Variants in MARCHF1 observed in about 807,000 individuals in gnomAD.
MARCHF1 encodes the protein E3 ubiquitin-protein ligase MARCHF1.
Under a neutral mutation model 54.2 loss-of-function variants are expected in MARCHF1, and 40 were observed. The ratio of observed to expected loss-of-function variants is 0.74; its 90% CI spans 0.57 to 0.96. MARCHF1 has a LOEUF of 0.96. Among genes scored for constraint, MARCHF1 ranks in the 40% least tolerant of loss-of-function variants. The pLI is 0.00. For missense variants in MARCHF1, 586 were observed against 656.5 expected (o/e 0.89, Z 1.17); for synonymous variants, 236 against 236.3 (o/e 1.00, Z 0.01).
chr4:164,362,420 G>A (rs956308868), intron 1 of MARCHF1, among the ~76,000 whole-genome samples: 8 of 152,028 alleles, frequency 5.3e-5, no homozygotes, highest in Admixed American at 3.9e-4. Context: ...ATGAGTCCAG[G>A]GGGTACATGA....
intron 5 of MARCHF1, among the ~76,000 whole-genome samples, chr4:163,667,769 G>A (rs572272107): frequency 6.6e-6 from 1 of 152,106 alleles, no homozygotes; most frequent in Non-Finnish European, 1.5e-5. Flanking sequence ...GGAATTACAG[G>A]TGTGTGCCAC....
intron 1 of MARCHF1, among the ~76,000 whole-genome samples, chr4:164,228,167 C>A (rs1306275206): frequency 6.6e-6 from 1 of 152,146 alleles, no homozygotes; most frequent in African/African-American, 2.4e-5. Flanking sequence ...GGGGGAAGCA[C>A]CCCCTCAGTT....
At chr4:163,896,461 G>A (rs1442616656) in intron 3 of MARCHF1, among the ~76,000 whole-genome samples, 1 of 151,962 alleles carries the variant, frequency 6.6e-6, no homozygotes, top group Admixed American at 6.6e-5. Context: ...TTGTTTTTAG[G>A]GATTTCTCAG....
At chr4:163,727,499 G>T (rs1181305005) in intron 4 of MARCHF1, among the ~76,000 whole-genome samples, 1 of 151,882 alleles carries the variant, frequency 6.6e-6, no homozygotes, top group East Asian at 1.9e-4. Context: ...TGGAGATGGG[G>T]TTTCACTGTG....
At chr4:163,709,129 T>C (rs946955105) in intron 4 of MARCHF1, among the ~76,000 whole-genome samples, 5 of 152,190 alleles carry the variant, frequency 3.3e-5, no homozygotes, top group Non-Finnish European at 7.4e-5. Flanking sequence ...TATGTTTGAC[T>C]GAGCAGAAAT....
At chr4:164,097,044 T>C (rs1247923273) in intron 2 of MARCHF1, among the ~76,000 whole-genome samples, 1 of 152,142 alleles carries the variant, frequency 6.6e-6, no homozygotes, top group East Asian at 1.9e-4. Context: ...AGAAAAGCTG[T>C]TCACTATAAT....
At chr4:164,121,821 G>A (rs552042354) in intron 1 of MARCHF1, among the ~76,000 whole-genome samples, 5 of 152,132 alleles carry the variant, frequency 3.3e-5, no homozygotes, top group East Asian at 1.9e-4. Flanking sequence ...GAGAAGGAGA[G>A]ATTACTTCCA....
chr4:163,572,567 A>G (rs1739877555), intron 8 of MARCHF1, among the ~76,000 whole-genome samples: 1 of 152,070 alleles, frequency 6.6e-6, no homozygotes, highest in Non-Finnish European at 1.5e-5. Flanking sequence ...TATGCTCCTT[A>G]TATTTTAGTT....
chr4:164,057,315 A>G (rs1754514949), intron 2 of MARCHF1, among the ~76,000 whole-genome samples: 1 of 152,158 alleles, frequency 6.6e-6, no homozygotes, highest in Non-Finnish European at 1.5e-5. Context: ...GAAATACACA[A>G]CTAAGTTTTT....
chr4:163,991,788 C>G (rs1436073708), intron 2 of MARCHF1, among the ~76,000 whole-genome samples: 1 of 152,104 alleles, frequency 6.6e-6, no homozygotes, highest in Non-Finnish European at 1.5e-5. Context: ...ACTACTTTTT[C>G]CATATACATG....
chr4:163,786,660 A>G (rs561932531), intron 4 of MARCHF1, among the ~76,000 whole-genome samples: 83 of 151,938 alleles, frequency 5.5e-4, no homozygotes, highest in Non-Finnish European at 1.0e-3. Flanking sequence ...ATGCCATAGT[A>G]CCCCTAGCAA....
At chr4:164,147,786 A>T (rs1729800382) in intron 1 of MARCHF1, among the ~76,000 whole-genome samples, 1 of 150,302 alleles carries the variant, frequency 6.7e-6, no homozygotes, top group Non-Finnish European at 1.5e-5. Context: ...ACTAACCTGC[A>T]CATTGTGCAC....
At chr4:163,764,505 C>T (rs1488031494) in intron 4 of MARCHF1, among the ~76,000 whole-genome samples, 3 of 152,082 alleles carry the variant, frequency 2.0e-5, no homozygotes, top group African/African-American at 7.2e-5. Context: ...CATCAAAGAA[C>T]ATCATAAAAC....
chr4:163,753,067 G>T (rs1216895114), intron 4 of MARCHF1, among the ~76,000 whole-genome samples: 1 of 151,814 alleles, frequency 6.6e-6, no homozygotes, highest in Non-Finnish European at 1.5e-5. Flanking sequence ...ATATTCTTCT[G>T]CATCTACTCG....
intron 2 of MARCHF1, among the ~76,000 whole-genome samples, chr4:164,101,912 T>A (rs1186188678): frequency 4.6e-4 from 69 of 150,668 alleles, no homozygotes; most frequent in African/African-American, 1.6e-3. Flanking sequence ...TACAGAGAAG[T>A]GCTTAAAGGA....
intron 1 of MARCHF1, among the ~76,000 whole-genome samples, chr4:164,268,460 T>C (rs1460822432): frequency 6.6e-6 from 1 of 152,168 alleles, no homozygotes; most frequent in Non-Finnish European, 1.5e-5. Context: ...CAGAATTCTT[T>C]ATGAGCTCCC....
intron 4 of MARCHF1, among the ~76,000 whole-genome samples, chr4:163,824,013 G>T (rs1312559371): frequency 6.6e-6 from 1 of 151,874 alleles, no homozygotes; most frequent in African/African-American, 2.4e-5. Context: ...AAAGATGGGG[G>T]TGTAATATCA....
intron 3 of MARCHF1, among the ~76,000 whole-genome samples, chr4:163,909,305 A>G (rs1353458206): frequency 1.3e-5 from 2 of 152,220 alleles, no homozygotes; most frequent in African/African-American, 4.8e-5. Context: ...GTAGCACTCC[A>G]GGATTCCGAT....
intron 5 of MARCHF1, among the ~76,000 whole-genome samples, chr4:163,678,242 G>C (rs1271933542): frequency 6.6e-6 from 1 of 152,126 alleles, no homozygotes; most frequent in Non-Finnish European, 1.5e-5. Context: ...AATGTTATCA[G>C]GCCTGCCAGG....
Sources: gnomAD v4.1 joint callset for allele counts (sites outside exome capture counted in the v4.1 genomes callset) on GRCh38, gnomAD v4.1.1 for gene constraint, MANE v1.5 for transcripts, NCBI Gene and HGNC (gene_info 2026-07-23, HGNC 2026-07-21) for gene names.